The following WARS2 variants were observed in gnomAD, a reference collection of about 807,000 sequenced individuals.
The protein encoded by WARS2 is tryptophanyl tRNA synthetase 2, mitochondrial, also known as tryptophan--tRNA ligase, mitochondrial.
A neutral mutation model predicts 36.5 loss-of-function variants in WARS2; 28 were observed. That is an observed-to-expected ratio of 0.77 (90% CI 0.57 to 1.05). The LOEUF (loss-of-function observed/expected upper bound fraction) is 1.05, where lower values mean the gene tolerates loss of function less well. WARS2 is among the 50% of genes least tolerant of loss of function. The pLI, the probability that WARS2 is intolerant of heterozygous loss-of-function variation, is 0.00. For synonymous variants in WARS2, 174 were observed against 178.4 expected (o/e 0.98, Z 0.20); for missense variants, 435 against 456.8 (o/e 0.95, Z 0.44).
intron 1 of WARS2, among the ~76,000 whole-genome samples, chr1:119,088,574 C>T (rs1652834101): frequency 6.6e-6 from 1 of 152,130 alleles, no homozygotes; most frequent in Non-Finnish European, 1.5e-5. Flanking sequence ...AGGCAGAGGC[C>T]CCTTTGGCTC....
chr1:119,123,462 C>T (rs1017281163), intron 1 of WARS2, among the ~76,000 whole-genome samples: 7 of 152,190 alleles, frequency 4.6e-5, no homozygotes, highest in African/African-American at 1.7e-4. Flanking sequence ...ATTAAATCTG[C>T]CTGCAAGTAG....
At chr1:119,115,257 C>A (rs747115802) in intron 1 of WARS2, among the ~76,000 whole-genome samples, 2 of 152,184 alleles carry the variant, frequency 1.3e-5, no homozygotes, top group Non-Finnish European at 2.9e-5. Context: ...GGAGCTTCCT[C>A]AGTTGTGGCA....
At chr1:119,068,322 G>A (rs1331157231) in intron 2 of WARS2, among the ~76,000 whole-genome samples, 1 of 152,218 alleles carries the variant, frequency 6.6e-6, no homozygotes, top group East Asian at 1.9e-4. Context: ...GGGACAGTTG[G>A]TGAGGTATAA....
intron 2 of WARS2, among the ~76,000 whole-genome samples, chr1:119,056,011 CTT>C (rs35376461): frequency 3.9e-5 from 5 of 127,180 alleles, no homozygotes; most frequent in Non-Finnish European, 3.3e-5. Context: ...CATACCATAA[CTT>C]TTTTTTTTTT....
At chr1:119,106,215 C>G (rs973799515) in intron 1 of WARS2, among the ~76,000 whole-genome samples, 3 of 119,826 alleles carry the variant, frequency 2.5e-5, no homozygotes, top group Admixed American at 1.0e-4. Context: ...AAATGGAGTT[C>G]CCATATATCC....
intron 3 of WARS2, 130 bp downstream of exon 3, chr1:119,045,452 G>T: frequency 4.1e-6 from 3 of 734,810 alleles, no homozygotes; most frequent in Non-Finnish European, 6.9e-6. Flanking sequence ...AAGCAGGGAG[G>T]TTAAAGATGA....
At chr1:119,035,881 C>T (rs530486207) in intron 4 of WARS2, among the ~76,000 whole-genome samples, 62 of 152,286 alleles carry the variant, frequency 4.1e-4, no homozygotes, top group African/African-American at 1.4e-3. Context: ...TGACAGCAGA[C>T]CCAGAGTGGT....
intron 5 of WARS2, among the ~76,000 whole-genome samples, 192 bp downstream of exon 5, chr1:119,033,903 C>A (rs940537028): frequency 6.6e-6 from 1 of 152,134 alleles, no homozygotes; most frequent in Non-Finnish European, 1.5e-5. Context: ...AATCCAACAT[C>A]TTTTTCAGGA....
chr1:119,083,015 G>C (rs1652319906), intron 1 of WARS2, among the ~76,000 whole-genome samples: 1 of 151,822 alleles, frequency 6.6e-6, no homozygotes, highest in African/African-American at 2.4e-5. Context: ...GATCACTTGA[G>C]GTCAGGAGTT....
intron 4 of WARS2, among the ~76,000 whole-genome samples, chr1:119,038,099 T>C (rs1308060218): frequency 2.0e-5 from 3 of 152,226 alleles, no homozygotes. Context: ...ATTCTCTCCC[T>C]TCTATGCTAC....
intron 1 of WARS2, chr1:119,126,925 G>A: frequency 1.3e-6 from 1 of 762,576 alleles, no homozygotes; most frequent in East Asian, 2.6e-5. Context: ...ACACAGAACA[G>A]ATGAAGCAAT....
chr1:119,104,621 G>GA (rs71665951), intron 1 of WARS2, among the ~76,000 whole-genome samples: 3,026 of 141,264 alleles, frequency 0.021, 99 homozygotes, highest in African/African-American at 0.07. Flanking sequence ...TTAGTGCCAT[G>GA]AAAAAAAAAA....
intron 2 of WARS2, among the ~76,000 whole-genome samples, chr1:119,050,721 C>T (rs973283707): frequency 6.6e-6 from 1 of 151,738 alleles, no homozygotes; most frequent in African/African-American, 2.4e-5. Flanking sequence ...TACTATTATA[C>T]CAACTACGAA....
chr1:119,126,648 A>G (rs6428795), intron 1 of WARS2: 382,065 of 710,054 alleles, frequency 0.54, 108,373 homozygotes, highest in East Asian at 0.84. Context: ...ACGAAGCTCC[A>G]TAAGTTTTCC....
chr1:119,079,975 G>C (rs1382424748), intron 1 of WARS2, among the ~76,000 whole-genome samples: 1 of 152,144 alleles, frequency 6.6e-6, no homozygotes, highest in Non-Finnish European at 1.5e-5. Context: ...AGAATTGAGA[G>C]AGAGAGAGAA....
At chr1:119,068,883 G>A (rs904770723) in intron 2 of WARS2, among the ~76,000 whole-genome samples, 1 of 151,976 alleles carries the variant, frequency 6.6e-6, no homozygotes, top group African/African-American at 2.4e-5. Flanking sequence ...ACACCTTTGA[G>A]AGGAGAGGGT....
At chr1:119,110,042 A>T (rs1402698309) in intron 1 of WARS2, among the ~76,000 whole-genome samples, 1 of 151,868 alleles carries the variant, frequency 6.6e-6, no homozygotes, top group East Asian at 1.9e-4. Flanking sequence ...CCTTCCTCCC[A>T]TCCTTGTATC....
At chr1:119,135,747 T>TAGAGAGAG (rs67002367) in intron 1 of WARS2, among the ~76,000 whole-genome samples, 3 of 115,826 alleles carry the variant, frequency 2.6e-5, no homozygotes, top group Non-Finnish European at 3.8e-5. Context: ...GATAGATAGA[T>TAGAGAGAG]AGATAGAGAG....
intron 1 of WARS2, among the ~76,000 whole-genome samples, chr1:119,087,854 G>A (rs977163975): frequency 3.3e-5 from 5 of 152,206 alleles, no homozygotes; most frequent in Non-Finnish European, 5.9e-5. Context: ...AAAGTAAAGA[G>A]CAGAAAGAAG....
Sources: gnomAD v4.1 joint callset for allele counts (sites outside exome capture counted in the v4.1 genomes callset) on GRCh38, gnomAD v4.1.1 for gene constraint, MANE v1.5 for transcripts, NCBI Gene and HGNC (gene_info 2026-07-23, HGNC 2026-07-21) for gene names.